The following PCDHGA4 variants were observed in gnomAD, a reference collection of about 807,000 sequenced individuals.
The protein encoded by PCDHGA4 is protocadherin gamma subfamily A, 4.
A neutral mutation model predicts 54.6 loss-of-function variants in PCDHGA4; 38 were observed. The observed-to-expected ratio is 0.70, with a 90% CI of 0.54 to 0.91. PCDHGA4 has a LOEUF of 0.91. Among genes scored for constraint, PCDHGA4 ranks in the 40% least tolerant of loss-of-function variants. The pLI, the probability that PCDHGA4 is intolerant of heterozygous loss-of-function variation, is 0.00. For missense variants in PCDHGA4, 1,298 were observed against 1,220.9 expected (o/e 1.06, Z -0.94); for synonymous variants, 511 against 512.9 (o/e 1.00, Z 0.05).
At position 141,491,117 on chromosome 5, in the gene PCDHGA4, G is replaced by A; in HGVS notation, c.2515-3690G>A. ...CTGTTCCTCGTGTCTACACACACTGGTGAGGTGCGCACAGCCCGGGCCTTA... is the reference window on the plus strand; with the variant it reads ...CTGTTCCTCGTGTCTACACACACTGATGAGGTGCGCACAGCCCGGGCCTTA... On this transcript the variant is annotated intron_variant, in intron 1 of 3. Coordinates refer to ENST00000571252, the MANE Select transcript of PCDHGA4 (RefSeq NM_018917.4). The surrounding 1 kb of genome is among the most constrained non-coding windows in gnomAD (Gnocchi z 6.9). 1 of 1,614,196 alleles carries A rather than the reference G, an allele frequency of 6.2e-7. No homozygotes were observed.
intron 1 of PCDHGA4, chr5:141,362,723 G>T (rs1762653397): frequency 2.3e-6 from 2 of 865,892 alleles, no homozygotes; most frequent in Admixed American, 5.9e-5. Flanking sequence ...TCTCTGAAGT[G>T]TGAGATTTAT....
chr5:141,428,168 C>A, intron 1 of PCDHGA4: 1 of 1,551,608 alleles, frequency 6.4e-7, no homozygotes, highest in Non-Finnish European at 8.8e-7. Context: ...GGTTGCTGTG[C>A]GTGACGGAGG....
chr5:141,450,838 T>A (rs2098698352), intron 1 of PCDHGA4, among the ~76,000 whole-genome samples: 1 of 149,278 alleles, frequency 6.7e-6, no homozygotes, highest in African/African-American at 2.5e-5. Flanking sequence ...TATTTTTTTT[T>A]TTTTGAGATG....
At chr5:141,419,751 C>T (rs140649685) in intron 1 of PCDHGA4, 1 of 1,613,900 alleles carries the variant, frequency 6.2e-7, no homozygotes, top group African/African-American at 1.3e-5. Flanking sequence ...ATGGTGCGTG[C>T]TTTGGGTGAC....
chr5:141,436,414 A>G (rs1459862288), intron 1 of PCDHGA4, among the ~76,000 whole-genome samples: 1 of 152,234 alleles, frequency 6.6e-6, no homozygotes, highest in East Asian at 1.9e-4. Flanking sequence ...ATGAATGGAT[A>G]AACAAATAAT....
chr5:141,360,603 A>G, intron 1 of PCDHGA4: 1 of 1,614,056 alleles, frequency 6.2e-7, no homozygotes, highest in Non-Finnish European at 8.5e-7. Flanking sequence ...CACTTGACCC[A>G]GCCCTGGATT....
At chr5:141,411,556 C>A (rs2095498108) in intron 1 of PCDHGA4, 1 of 152,200 alleles carries the variant, frequency 6.6e-6, no homozygotes, top group Non-Finnish European at 1.5e-5. Context: ...TGCACTCCAG[C>A]CTGGGCGACA....
chr5:141,458,553 T>G (rs987591790), intron 1 of PCDHGA4, among the ~76,000 whole-genome samples: 24 of 146,852 alleles, frequency 1.6e-4, no homozygotes, highest in Non-Finnish European at 2.5e-4. Flanking sequence ...TGTTTGTTTG[T>G]TTTGGTTTTG....
chr5:141,427,712 C>T, intron 1 of PCDHGA4: 2 of 1,051,468 alleles, frequency 1.9e-6, no homozygotes, highest in African/African-American at 1.6e-5. Context: ...GCGCCTCTGA[C>T]CTGGACCTAG....
intron 1 of PCDHGA4, chr5:141,390,223 G>A (rs137959577): frequency 3.7e-6 from 6 of 1,614,020 alleles, no homozygotes; most frequent in East Asian, 2.2e-5. Context: ...ATACTTTGCG[G>A]TGATTCATCT....
rs2099883868 is a variant in PCDHGA4 at position 141,511,590 on chromosome 5, A to G, written c.*417A>G. On this transcript the variant is annotated 3_prime_UTR_variant, in exon 4 of 4. Transcript: ENST00000571252. The stretch of plus-strand genomic sequence containing the variant: ...AGTAAGGTGGTTGGGGTGTTGAAGT[A>G]CCAAGTAACCTACAAGCCTCCTAGT... 3.7e-6 allele frequency: 1 copy of G among 267,908 alleles called. No individual in the cohort carries two copies. The highest frequency in any genetic ancestry group is 7.4e-6 in the Non-Finnish European group (1 of 135,038). 16.6% of individuals were successfully genotyped at this position (267,908 alleles called of 1,614,324 possible). A position where few individuals can be genotyped will look rare whatever the true frequency, so the allele number is the denominator to read the frequency against.
At position 141,422,424 on chromosome 5, in the gene PCDHGA4, T is replaced by C. The variant is rs1182660567; in HGVS notation, c.2514+64803T>C. The C allele has an allele frequency of 2.5e-6, 4 of 1,608,076 alleles. No homozygotes were observed. The East Asian group carries it at 6.7e-5, about 27-fold the overall frequency. On this transcript the variant is annotated intron_variant, in intron 1 of 3. Transcript: ENST00000571252. ...TGCCTTTTAAATTAGAAAAGACTTA[T>C]GGAAATTATTACAAATTGATAACAA...
At chr5:141,439,947 T>C (rs2098140958) in intron 1 of PCDHGA4, 1 of 152,516 alleles carries the variant, frequency 6.6e-6, no homozygotes, top group Non-Finnish European at 1.5e-5. Flanking sequence ...TTCTCTATGA[T>C]GCAGATCCGT....
At chr5:141,399,174 T>C (rs2093763814) in intron 1 of PCDHGA4, 1 of 1,613,700 alleles carries the variant, frequency 6.2e-7, no homozygotes, top group Admixed American at 1.7e-5. Context: ...ATTCTCTACT[T>C]GAAATGATTC....
At chr5:141,361,413 C>CG (rs1007927822) in intron 1 of PCDHGA4, 1 of 1,614,020 alleles carries the variant, frequency 6.2e-7, no homozygotes. Context: ...CAGCCACCGA[C>CG]GGGGGCAAGC....
intron 1 of PCDHGA4, chr5:141,407,951 A>C: frequency 1.7e-6 from 1 of 578,566 alleles, no homozygotes; most frequent in Non-Finnish European, 2.8e-6. Context: ...GCTGTCGGCC[A>C]GTGCAGAGCA....
Position 141,511,843 on chromosome 5 carries a change from GT to G in PCDHGA4, c.*674del, listed in dbSNP as rs1413398495. On this transcript the variant is annotated 3_prime_UTR_variant, in exon 4 of 4. Coordinates refer to ENST00000571252, the MANE Select transcript of PCDHGA4 (RefSeq NM_018917.4). ...CCAACGCCCTGGGGACCAGTCTTCT[GT>G]TTTGTTTTTCATTGTTTGACGTTTC... 1 of 156,550 alleles carries G rather than the reference GT, an allele frequency of 6.4e-6. No individual in the cohort carries two copies. The highest frequency in any genetic ancestry group is 2.4e-5 in the African/African-American group (1 of 41,452). The allele number at this position is 156,550 out of a possible 1,614,324, so 9.7% of individuals were successfully genotyped here. A position where few individuals can be genotyped will look rare whatever the true frequency, so the allele number is the denominator to read the frequency against.
chr5:141,366,573 C>G (rs1323314760), intron 1 of PCDHGA4: 1 of 1,614,252 alleles, frequency 6.2e-7, no homozygotes, highest in Admixed American at 1.7e-5. Context: ...GGGGTTCGGG[C>G]TTTCCTGCAG....
chr5:141,456,434 G>A (rs1418917805), intron 1 of PCDHGA4, among the ~76,000 whole-genome samples: 1 of 152,108 alleles, frequency 6.6e-6, no homozygotes, highest in Non-Finnish European at 1.5e-5. Flanking sequence ...TTATAGTATT[G>A]AGTATACAGA....
Sources: gnomAD v4.1 joint callset for allele counts (sites outside exome capture counted in the v4.1 genomes callset) on GRCh38, gnomAD v4.1.1 for gene constraint, Gnocchi (gnomAD v3.1) non-coding constraint, MANE v1.5 for transcripts, NCBI Gene and HGNC (gene_info 2026-07-23, HGNC 2026-07-21) for gene names.